The following ZBTB38 variants were observed in gnomAD, a reference collection of about 807,000 sequenced individuals.
ZBTB38 encodes the protein zinc finger and BTB domain containing 38, also known as zinc finger and BTB domain-containing protein 38.
ZBTB38 carries 20 observed loss-of-function variants against 76.8 expected under a neutral mutation model. That is an observed-to-expected ratio of 0.26 (90% CI 0.18 to 0.38). ZBTB38 has a LOEUF of 0.38. ZBTB38 is among the 10% of genes least tolerant of loss of function. The probability of loss-of-function intolerance (pLI) is 1.00; values close to 1 mark genes in which losing one functional copy is unlikely to be tolerated. For synonymous variants in ZBTB38, 504 were observed against 544.2 expected, an observed-to-expected ratio of 0.93 and a Z score of 1.03; for missense variants, 1,082 against 1,482.3, an observed-to-expected ratio of 0.73 and a Z score of 4.43.
Position 141,443,808 on chromosome 3 carries a change from A to G in ZBTB38, c.1420A>G (p.Ser474Gly). 2 of 1,613,982 alleles carry G rather than the reference A, an allele frequency of 1.2e-6. No individual in the cohort carries two copies. Among genetic ancestry groups the G allele is most frequent in the Non-Finnish European group, 1.7e-6 (2 of 1,180,042 alleles). ...VCKRSYVTLSSLRRHANVHSW... is the reference protein window; with the variant it reads ...VCKRSYVTLSGLRRHANVHSW... ...CAAACGTAGTTATGTGACCTTATCTAGCCTCCGAAGACATGCAAATGTTCA... is the reference window on the plus strand; with the variant it reads ...CAAACGTAGTTATGTGACCTTATCTGGCCTCCGAAGACATGCAAATGTTCA... Residue 474 changes from serine (S) to glycine (G), a missense_variant, in exon 6 of 6, where the codon AGC (serine) becomes GGC (glycine). Physicochemically the swap from Ser to Gly is moderately conservative, Grantham distance 56. Around this residue, in one of 8 missense-constraint regions of ZBTB38, gnomAD observed 60 missense variants for 126.0 expected, o/e 0.48. Coordinates refer to ENST00000321464, the MANE Select transcript of ZBTB38 (RefSeq NM_001376113.1). This position sits in a 1 kb window ranked among gnomAD's most constrained non-coding sequence, Gnocchi z 5.6.
rs903696820 is a variant in ZBTB38 at position 141,426,463 on chromosome 3, A to G, written c.1-15926A>G. Among the ~76,000 whole-genome samples the G allele has an allele frequency of 1.1e-4, 16 of 152,264 alleles. No individual in the cohort carries two copies. In the East Asian group the frequency reaches 1.5e-3, roughly 15 times the overall value. On this transcript the variant is annotated intron_variant, in intron 5 of 5. Coordinates refer to ENST00000321464, the MANE Select transcript of ZBTB38 (RefSeq NM_001376113.1). ...GATGCAGAGCATCTACAGTTTCATG[A>G]CCCAGCAGCAGGCCACAGACCCAGC...
intron 4 of ZBTB38, among the ~76,000 whole-genome samples, chr3:141,400,123 C>A (rs1255648733): frequency 2.6e-5 from 4 of 151,588 alleles, no homozygotes; most frequent in African/African-American, 9.7e-5. Flanking sequence ...AACTTGGGCC[C>A]TTCCTGGAAA....
intron 2 of ZBTB38, among the ~76,000 whole-genome samples, chr3:141,378,666 A>G (rs544773752): frequency 6.6e-6 from 1 of 152,186 alleles, no homozygotes; most frequent in East Asian, 1.9e-4. Flanking sequence ...AACTCCTACT[A>G]TTTATTTTGC....
chr3:141,350,901 T>G (rs1943494986), intron 1 of ZBTB38, among the ~76,000 whole-genome samples: 1 of 152,244 alleles, frequency 6.6e-6, no homozygotes, highest in Non-Finnish European at 1.5e-5. Context: ...ATAAGCATAT[T>G]GCTTAAAGAT....
At chr3:141,429,339 T>C (rs1033541625) in intron 5 of ZBTB38, among the ~76,000 whole-genome samples, 1 of 150,814 alleles carries the variant, frequency 6.6e-6, no homozygotes, top group African/African-American at 2.4e-5. Flanking sequence ...GGATCGTGAG[T>C]GCAGGGGATG....
chr3:141,435,386 T>A (rs2078529136), intron 5 of ZBTB38, among the ~76,000 whole-genome samples: 1 of 152,222 alleles, frequency 6.6e-6, no homozygotes, highest in Non-Finnish European at 1.5e-5. Flanking sequence ...AAGTATAATA[T>A]ATGTCAGCAT....
chr3:141,366,859 A>G (rs189445176), upstream of ZBTB38: 4 of 152,366 alleles, frequency 2.6e-5, no homozygotes, highest in East Asian at 7.7e-4. Context: ...ATCATAAACC[A>G]CAGAGGGAGA....
At chr3:141,418,977 A>G (rs549998661) in intron 5 of ZBTB38, among the ~76,000 whole-genome samples, 10 of 152,356 alleles carry the variant, frequency 6.6e-5, no homozygotes, top group African/African-American at 2.2e-4. Flanking sequence ...GTTGGTAAAG[A>G]TAGCTAACCA....
At chr3:141,382,211 CTG>C (rs1175644124) in intron 3 of ZBTB38, among the ~76,000 whole-genome samples, 2 of 152,312 alleles carry the variant, frequency 1.3e-5, no homozygotes, top group East Asian at 1.9e-4. Context: ...TAGCGAGACT[CTG>C]TCTCAAGAGA....
At chr3:141,340,218 C>T (rs951144384) in intron 1 of ZBTB38, among the ~76,000 whole-genome samples, 1 of 152,238 alleles carries the variant, frequency 6.6e-6, no homozygotes, top group South Asian at 2.1e-4. Context: ...GTTTAAAAAC[C>T]ATGTATACTT....
chr3:141,431,341 A>ATATATATATATAT (rs1553771300), intron 5 of ZBTB38, among the ~76,000 whole-genome samples: 2 of 103,296 alleles, frequency 1.9e-5, no homozygotes, highest in African/African-American at 1.2e-4. Context: ...AAAAAAAAAA[A>ATATATATATATAT]ATATATATAT....
intron 1 of ZBTB38, among the ~76,000 whole-genome samples, chr3:141,330,529 C>A (rs943430239): frequency 2.0e-5 from 3 of 152,178 alleles, no homozygotes; most frequent in Non-Finnish European, 2.9e-5. Flanking sequence ...ACCAGAGGAC[C>A]AGGATGAGAG....
chr3:141,422,670 C>A (rs1041327413), intron 5 of ZBTB38, among the ~76,000 whole-genome samples: 2 of 152,098 alleles, frequency 1.3e-5, no homozygotes, highest in Non-Finnish European at 2.9e-5. Context: ...GGTAGAAGCT[C>A]CCCTCTGGTT....
At chr3:141,379,250 T>C (rs1576802210) in intron 2 of ZBTB38, among the ~76,000 whole-genome samples, 2 of 152,306 alleles carry the variant, frequency 1.3e-5, no homozygotes, top group South Asian at 2.1e-4. Context: ...CACAAGGCCA[T>C]GGGCATTTAG....
intron 4 of ZBTB38, among the ~76,000 whole-genome samples, chr3:141,393,166 C>T (rs1287308445): frequency 1.3e-5 from 2 of 152,226 alleles, no homozygotes; most frequent in Non-Finnish European, 2.9e-5. Flanking sequence ...TGGAGGCTTT[C>T]ATTATATGCT....
At chr3:141,343,072 C>T (rs943587261) in intron 1 of ZBTB38, among the ~76,000 whole-genome samples, 2 of 152,086 alleles carry the variant, frequency 1.3e-5, no homozygotes, top group Admixed American at 1.3e-4. Flanking sequence ...AAGTATTTCC[C>T]ATCAGTTTCA....
At position 141,380,039 on chromosome 3, in the gene ZBTB38, AT is replaced by A. The variant is rs373756455; in HGVS notation, c.-234-1378del. On this transcript the variant is annotated intron_variant, in intron 2 of 5. Coordinates refer to ENST00000321464, the MANE Select transcript of ZBTB38 (RefSeq NM_001376113.1). ...ATTTTTAAGTATCTGACAGCTTAGA[AT>A]TTTTTTTAATTGAGTCAGTGTGTTG... is the stretch of plus-strand genomic sequence containing the variant. Among the ~76,000 whole-genome samples the A allele has an allele frequency of 3.3e-3, 498 of 152,236 alleles. 3 individuals are homozygous for A. The highest frequency in any genetic ancestry group is 0.011 in the African/African-American group (457 of 41,530).
Position 141,413,061 on chromosome 3 carries a change from T to G in ZBTB38, c.-1+9030T>G, listed in dbSNP as rs1957205531. On this transcript the variant is annotated intron_variant, in intron 5 of 5. Coordinates refer to ENST00000321464, the MANE Select transcript of ZBTB38 (RefSeq NM_001376113.1). The surrounding 1 kb of genome is among the most constrained non-coding windows in gnomAD (Gnocchi z 4.1). ...AGGTCGTAGTGTTGCCAGCAGTGGC[T>G]TCAAACTGGAAACATGGGAGGAGGA... Among the ~76,000 whole-genome samples, 1 of 152,190 alleles carries G rather than the reference T, an allele frequency of 6.6e-6. No homozygotes were observed. The highest frequency in any genetic ancestry group is 6.5e-5 in the Admixed American group (1 of 15,280).
chr3:141,377,786 C>T (rs1430441856), intron 2 of ZBTB38, among the ~76,000 whole-genome samples: 1 of 152,196 alleles, frequency 6.6e-6, no homozygotes, highest in African/African-American at 2.4e-5. Context: ...GGCATGTGCT[C>T]TTTACATACA....
Sources: allele counts gnomAD v4.1 joint callset (sites outside exome capture counted in the v4.1 genomes callset), GRCh38; gene constraint gnomAD v4.1.1; regional missense constraint gnomAD v4.1.1; non-coding constraint Gnocchi (gnomAD v3.1); transcripts MANE v1.5; gene names NCBI Gene and HGNC (gene_info 2026-07-23, HGNC 2026-07-21).